The following SBK1 variants were observed in gnomAD, a reference collection of about 807,000 sequenced individuals.
SBK1 encodes the protein serine/threonine-protein kinase SBK1.
In SBK1, 11 loss-of-function variants were observed where a neutral mutation model predicts 24.4. The ratio of observed to expected loss-of-function variants is 0.45; its 90% CI spans 0.28 to 0.75. The LOEUF is 0.75. Among genes scored for constraint, SBK1 ranks in the 30% least tolerant of loss-of-function variants. SBK1 has a pLI of 0.12. For missense variants in SBK1, 467 were observed against 620.5 expected (o/e 0.75, Z 2.63); for synonymous variants, 308 against 284.4 (o/e 1.08, Z -0.83).
intron 1 of SBK1, among the ~76,000 whole-genome samples, chr16:28,269,929 A>G (rs1048374269): frequency 7.2e-5 from 11 of 152,178 alleles, no homozygotes; most frequent in Admixed American, 7.2e-4. Flanking sequence ...GCCAAAGCCA[A>G]TCGCCAGTAA....
intron 1 of SBK1, among the ~76,000 whole-genome samples, chr16:28,293,984 C>G (rs780337091): frequency 2.0e-5 from 3 of 152,122 alleles, no homozygotes; most frequent in Non-Finnish European, 4.4e-5. Context: ...GATGAAGAAG[C>G]TATTTCAGGT....
At chr16:28,275,144 A>C (rs1436627079) in intron 1 of SBK1, among the ~76,000 whole-genome samples, 1 of 151,990 alleles carries the variant, frequency 6.6e-6, no homozygotes, top group Non-Finnish European at 1.5e-5. Flanking sequence ...TGGGCAATAT[A>C]GTGAGACCCT....
chr16:28,277,166 A>AGCTGAGAGGCTGCTGGAGGCT (rs1200387290), intron 1 of SBK1, among the ~76,000 whole-genome samples: 176 of 151,910 alleles, frequency 1.2e-3, no homozygotes, highest in Middle Eastern at 6.8e-3. Flanking sequence ...GAGGTCAGGG[A>AGCTGAGAGGCTGCTGGAGGCT]GCTGAGAGGC....
At position 28,320,492 on chromosome 16, in the gene SBK1, C is replaced by T. The variant is rs964142811; in HGVS notation, c.846C>T (p.Arg282=). 1.2e-5 allele frequency: 19 copies of T among 1,572,262 alleles called. No individual in the cohort carries two copies. Among genetic ancestry groups the T allele is most frequent in the Non-Finnish European group, 1.6e-5 (19 of 1,165,846 alleles). ...TGCCGGGGCTGCCTTCGCAGTGGCG[C>T]CGCTTCACCGAGCCCGCGCTGCGCA... ...GRLPGLPSQW[R]RFTEPALRMF... is the part of the protein sequence containing the mutation. The change falls in exon 4 of 4, where the codon CGC becomes CGT. Residue 282 remains arginine (R), a synonymous_variant. Coordinates refer to ENST00000341901, the MANE Select transcript of SBK1 (RefSeq NM_001024401.3). This position sits in a 1 kb window ranked among gnomAD's most constrained non-coding sequence, Gnocchi z 8.5.
rs1275365864 is a variant in SBK1, at chr16:28,319,378, A to G, written c.429+181A>G. 6.6e-6 allele frequency among the ~76,000 whole-genome samples: 1 copy of G among 152,144 alleles called. No homozygotes were observed. Among genetic ancestry groups the G allele is most frequent in the African/African-American group, 2.4e-5 (1 of 41,428 alleles). On this transcript the variant is annotated intron_variant, in intron 3 of 3. Transcript: ENST00000341901. The surrounding 1 kb of genome is among the most constrained non-coding windows in gnomAD (Gnocchi z 4.0). Reference sequence around the variant, plus strand: ...GACAAAAGTCCCTGTTCTAGTGGGAAACTGACACTCCACAGCGGGCCAGAT... The same window carrying G: ...GACAAAAGTCCCTGTTCTAGTGGGAGACTGACACTCCACAGCGGGCCAGAT...
At chr16:28,297,820 T>C (rs191137077) in intron 1 of SBK1, among the ~76,000 whole-genome samples, 7 of 152,276 alleles carry the variant, frequency 4.6e-5, no homozygotes, top group Non-Finnish European at 8.8e-5. Flanking sequence ...AGGCAGAGGC[T>C]TCTGGTTCTG....
At chr16:28,297,279 C>T (rs1020089435) in intron 1 of SBK1, among the ~76,000 whole-genome samples, 6 of 152,038 alleles carry the variant, frequency 3.9e-5, no homozygotes, top group Admixed American at 1.3e-4. Flanking sequence ...TGCAGTGAGC[C>T]GAGATTGTGC....
intron 1 of SBK1, among the ~76,000 whole-genome samples, chr16:28,271,982 T>G (rs1464858123): frequency 2.6e-5 from 4 of 152,214 alleles, no homozygotes; most frequent in Admixed American, 2.6e-4. Context: ...CAGAAAATCC[T>G]GCACATGAAT....
At chr16:28,308,831 C>G (rs1278934372) in intron 1 of SBK1, among the ~76,000 whole-genome samples, 2 of 150,868 alleles carry the variant, frequency 1.3e-5, no homozygotes, top group Non-Finnish European at 2.9e-5. Flanking sequence ...GTTGTCCAGG[C>G]TGGAATACAG....
intron 1 of SBK1, among the ~76,000 whole-genome samples, chr16:28,305,644 G>C (rs954157746): frequency 5.3e-5 from 8 of 151,492 alleles, no homozygotes; most frequent in African/African-American, 1.9e-4. Flanking sequence ...TGATTCTCCT[G>C]CCTCAGCCTC....
chr16:28,309,007 C>T (rs2044736328), intron 1 of SBK1, among the ~76,000 whole-genome samples: 1 of 152,120 alleles, frequency 6.6e-6, no homozygotes, highest in Non-Finnish European at 1.5e-5. Context: ...GTGCCAGCTG[C>T]TGTAACAAAC....
chr16:28,278,158 C>T (rs562490247), intron 1 of SBK1, among the ~76,000 whole-genome samples: 61 of 152,384 alleles, frequency 4.0e-4, no homozygotes, highest in Non-Finnish European at 7.6e-4. Context: ...GAGGCTTCGC[C>T]ATGGCCTCCG....
At position 28,262,410 on chromosome 16, in the gene SBK1, G is replaced by C. The variant is rs553036911; in HGVS notation, c.257+2908G>C. On this transcript the variant is annotated intron_variant, in intron 1 of 3. Coordinates refer to the SBK1 transcript ENST00000671413. ...GGGTCTCTGCAAAATTAAAGAGTTG[G>C]ACTTTCTCAGGCATTTGTAGGGAAA... 4.6e-5 allele frequency among the ~76,000 whole-genome samples: 7 copies of C among 152,316 alleles called. No homozygotes were observed. The East Asian group carries it at 1.4e-3, about 29-fold the overall frequency.
At chr16:28,279,120 T>G (rs975411382) in intron 1 of SBK1, among the ~76,000 whole-genome samples, 1 of 149,246 alleles carries the variant, frequency 6.7e-6, no homozygotes, top group Non-Finnish European at 1.5e-5. Context: ...GGCAGGAGAA[T>G]CACTTGAACC....
At chr16:28,297,330 C>CA (rs1177662251) in intron 1 of SBK1, among the ~76,000 whole-genome samples, 6 of 150,290 alleles carry the variant, frequency 4.0e-5, no homozygotes, top group South Asian at 2.1e-4. Context: ...GAGTCCGTCT[C>CA]AAAAAAAAAG....
In SBK1 at chr16:28,317,701, C is replaced by T; in HGVS notation, c.226+84C>T. On this transcript the variant is annotated intron_variant, in intron 2 of 3. Transcript: ENST00000341901. This position sits in a 1 kb window ranked among gnomAD's most constrained non-coding sequence, Gnocchi z 4.2. Reference sequence around the variant, plus strand: ...AGGGTTGGGGGACATGACCTTGCAGCTGGGCCGGGGCTCTCTGGTGCTCTG... The same window carrying T: ...AGGGTTGGGGGACATGACCTTGCAGTTGGGCCGGGGCTCTCTGGTGCTCTG... 1.1e-6 allele frequency: 1 copy of T among 939,520 alleles called. No homozygotes were observed. The highest frequency in any genetic ancestry group is 1.5e-5 in the South Asian group (1 of 68,858). The allele number at this position is 939,520 out of a possible 1,614,324, so 58.2% of individuals were successfully genotyped here.
At chr16:28,282,894 A>G (rs2044541889) in intron 1 of SBK1, among the ~76,000 whole-genome samples, 1 of 150,392 alleles carries the variant, frequency 6.6e-6, no homozygotes, top group Non-Finnish European at 1.5e-5. Context: ...ACGGTGTTTA[A>G]TTACTCTCGC....
upstream of SBK1, among the ~76,000 whole-genome samples, chr16:28,288,955 C>A (rs2044582993): frequency 6.6e-6 from 1 of 152,190 alleles, no homozygotes; most frequent in African/African-American, 2.4e-5. Context: ...TAATTACCCA[C>A]AATGCATGCC....
At chr16:28,312,656 A>G (rs948297232) in intron 1 of SBK1, among the ~76,000 whole-genome samples, 2 of 152,222 alleles carry the variant, frequency 1.3e-5, no homozygotes, top group African/African-American at 2.4e-5. Context: ...TTAGGTGGAA[A>G]TGAGCTAGGA....
Sources: allele counts gnomAD v4.1 joint callset (sites outside exome capture counted in the v4.1 genomes callset), GRCh38; gene constraint gnomAD v4.1.1; non-coding constraint Gnocchi (gnomAD v3.1); transcripts MANE v1.5; gene names NCBI Gene and HGNC (gene_info 2026-07-23, HGNC 2026-07-21).